Variants in ASIC2 observed in about 807,000 individuals in gnomAD.
ASIC2 encodes acid sensing ion channel subunit 2.
In ASIC2, 25 loss-of-function variants were observed where a neutral mutation model predicts 57.3. The ratio of observed to expected loss-of-function variants is 0.44; its 90% confidence interval spans 0.32 to 0.61. ASIC2 has a LOEUF of 0.61. Ranked by LOEUF, ASIC2 falls within the 20% of genes least tolerant of loss-of-function variation. The pLI, the probability that ASIC2 is intolerant of heterozygous loss-of-function variation, is 0.06. For missense variants in ASIC2, 641 were observed against 738.1 expected (o/e 0.87, Z 1.52); for synonymous variants, 319 against 307.5 (o/e 1.04, Z -0.39).
chr17:33,366,287 G>C (rs1227745961), intron 1 of ASIC2, among the ~76,000 whole-genome samples: 1 of 152,214 alleles, frequency 6.6e-6, no homozygotes, highest in Non-Finnish European at 1.5e-5. Context: ...TCTGGAGAAA[G>C]ACCAAACTCT....
At chr17:33,173,254 A>T (rs928481950) in intron 1 of ASIC2, among the ~76,000 whole-genome samples, 8 of 151,934 alleles carry the variant, frequency 5.3e-5, no homozygotes, top group African/African-American at 1.9e-4. Context: ...TTTTCCTTAG[A>T]CCACCCCTGA....
chr17:33,311,571 T>G (rs1309388210), intron 1 of ASIC2, among the ~76,000 whole-genome samples: 1 of 152,158 alleles, frequency 6.6e-6, no homozygotes, highest in Non-Finnish European at 1.5e-5. Flanking sequence ...TTCATGTACC[T>G]GTTTGCTCTG....
At chr17:33,721,473 C>T (rs1909385755) in intron 1 of ASIC2, among the ~76,000 whole-genome samples, 1 of 152,146 alleles carries the variant, frequency 6.6e-6, no homozygotes, top group South Asian at 2.1e-4. Flanking sequence ...TAAGCAAACC[C>T]CCAGGTCTGT....
At chr17:33,520,166 G>T (rs768831823) in intron 1 of ASIC2, among the ~76,000 whole-genome samples, 1 of 152,120 alleles carries the variant, frequency 6.6e-6, no homozygotes, top group Non-Finnish European at 1.5e-5. Context: ...TTGGGGGAGG[G>T]TCATTAATAA....
At chr17:33,555,791 C>T (rs1367602482) in intron 1 of ASIC2, among the ~76,000 whole-genome samples, 1 of 152,062 alleles carries the variant, frequency 6.6e-6, no homozygotes, top group Non-Finnish European at 1.5e-5. Flanking sequence ...CTCTGGACTC[C>T]CACAGGCCTT....
intron 3 of ASIC2, among the ~76,000 whole-genome samples, chr17:33,042,704 C>A (rs1051742734): frequency 6.6e-6 from 1 of 152,122 alleles, no homozygotes; most frequent in Admixed American, 6.5e-5. Flanking sequence ...GCAGATCATA[C>A]TTTTTGCAAC....
chr17:33,516,407 A>AGTGT (rs113344287), intron 1 of ASIC2, among the ~76,000 whole-genome samples: 9 of 148,342 alleles, frequency 6.1e-5, no homozygotes, highest in African/African-American at 1.2e-4. Flanking sequence ...TGTGAGTGTG[A>AGTGT]GTGTGTGTGT....
intron 1 of ASIC2, among the ~76,000 whole-genome samples, chr17:33,154,859 C>G (rs1395941560): frequency 6.6e-6 from 1 of 152,146 alleles, no homozygotes; most frequent in East Asian, 1.9e-4. Flanking sequence ...AAAATAAATC[C>G]TTTTTAATTT....
chr17:33,873,154 T>C (rs1412957055), intron 1 of ASIC2, among the ~76,000 whole-genome samples: 1 of 152,240 alleles, frequency 6.6e-6, no homozygotes, highest in Non-Finnish European at 1.5e-5. Flanking sequence ...CTCTTTGCTC[T>C]CCATTTTCCT....
chr17:33,833,602 C>T (rs905016245), intron 1 of ASIC2, among the ~76,000 whole-genome samples: 3 of 151,926 alleles, frequency 2.0e-5, no homozygotes, highest in East Asian at 1.9e-4. Flanking sequence ...ATTGTGTATC[C>T]CCCATCAAAT....
intron 2 of ASIC2, among the ~76,000 whole-genome samples, chr17:33,090,690 G>T (rs1020004319): frequency 1.3e-5 from 2 of 152,138 alleles, no homozygotes; most frequent in African/African-American, 4.8e-5. Flanking sequence ...GAGAGTCACT[G>T]GGAAGGAAGG....
intron 1 of ASIC2, among the ~76,000 whole-genome samples, chr17:33,224,262 T>G (rs1258731566): frequency 1.3e-5 from 2 of 152,216 alleles, no homozygotes; most frequent in Admixed American, 6.5e-5. Context: ...GAATTATTCA[T>G]GAGGCCAGAT....
At chr17:33,578,180 C>T (rs1272543047) in intron 1 of ASIC2, among the ~76,000 whole-genome samples, 1 of 152,154 alleles carries the variant, frequency 6.6e-6, no homozygotes, top group Non-Finnish European at 1.5e-5. Flanking sequence ...ACCCCTTCCA[C>T]TCTACTTTGG....
chr17:34,010,001 T>C (rs1047041282), intron 1 of ASIC2, among the ~76,000 whole-genome samples: 1 of 152,060 alleles, frequency 6.6e-6, no homozygotes, highest in Non-Finnish European at 1.5e-5. Flanking sequence ...CAGGCGGAAA[T>C]GAAATTCCCG....
intron 1 of ASIC2, among the ~76,000 whole-genome samples, chr17:33,509,919 G>A (rs1421019369): frequency 6.6e-6 from 1 of 152,200 alleles, no homozygotes; most frequent in Non-Finnish European, 1.5e-5. Context: ...GGATTTCAGA[G>A]TCCTACTGTG....
intron 1 of ASIC2, among the ~76,000 whole-genome samples, chr17:34,119,646 C>A (rs905653113): frequency 7.4e-6 from 1 of 135,528 alleles, no homozygotes; most frequent in African/African-American, 2.7e-5. Flanking sequence ...CACACAAACA[C>A]ACACACAACC....
At chr17:33,769,060 T>C (rs1272631253) in intron 1 of ASIC2, among the ~76,000 whole-genome samples, 1 of 152,218 alleles carries the variant, frequency 6.6e-6, no homozygotes, top group Non-Finnish European at 1.5e-5. Flanking sequence ...TATTCTTGGA[T>C]ACTGGACAAA....
At chr17:34,152,065 T>C (rs989802186) in intron 1 of ASIC2, among the ~76,000 whole-genome samples, 1 of 152,164 alleles carries the variant, frequency 6.6e-6, no homozygotes, top group Non-Finnish European at 1.5e-5. Context: ...ATGGACCCAT[T>C]TGGCCTTGTG....
At chr17:33,515,547 G>A (rs888334690) in intron 1 of ASIC2, among the ~76,000 whole-genome samples, 2 of 152,238 alleles carry the variant, frequency 1.3e-5, no homozygotes, top group African/African-American at 4.8e-5. Flanking sequence ...GGAATGTGAA[G>A]TGTTAGCAGA....
Sources: allele counts gnomAD v4.1 joint callset (sites outside exome capture counted in the v4.1 genomes callset), GRCh38; gene constraint gnomAD v4.1.1; transcripts MANE v1.5; gene names NCBI Gene and HGNC (gene_info 2026-07-23, HGNC 2026-07-21).